The following SPAG16 variants were observed in gnomAD, a reference collection of about 807,000 sequenced individuals.
The protein encoded by SPAG16 is sperm-associated antigen 16 protein.
SPAG16 carries 86 observed loss-of-function variants against 80.4 expected under a neutral mutation model. The observed-to-expected ratio is 1.07, with a 90% CI of 0.90 to 1.28. The LOEUF (loss-of-function observed/expected upper bound fraction) is 1.28. Ranked by LOEUF, SPAG16 falls within the 50% of genes most tolerant of loss-of-function variation. The pLI is 0.00. For synonymous variants in SPAG16, 294 were observed against 265.9 expected (o/e 1.11, Z -1.03); for missense variants, 870 against 765.3 (o/e 1.14, Z -1.61).
At chr2:213,440,337 C>G (rs1340567906) in intron 9 of SPAG16, among the ~76,000 whole-genome samples, 1 of 151,972 alleles carries the variant, frequency 6.6e-6, no homozygotes. Flanking sequence ...ATCACGAGGT[C>G]AGGAGATTGA....
At chr2:213,356,851 T>C (rs1034854493) in intron 7 of SPAG16, among the ~76,000 whole-genome samples, 1 of 152,216 alleles carries the variant, frequency 6.6e-6, no homozygotes, top group Admixed American at 6.5e-5. Flanking sequence ...AGGGTGTTGA[T>C]TTTAGATCTT....
intron 11 of SPAG16, among the ~76,000 whole-genome samples, chr2:213,897,589 G>A (rs1057497123): frequency 7.2e-5 from 10 of 139,108 alleles, no homozygotes; most frequent in African/African-American, 2.0e-4. Context: ...TTATTTTCTA[G>A]AGATTGTACC....
In SPAG16 at chr2:213,603,861, T is replaced by G. The variant is rs186818622; in HGVS notation, c.1070+113771T>G. On this transcript the variant is annotated intron_variant, in intron 10 of 15. Coordinates refer to ENST00000331683, the MANE Select transcript of SPAG16 (RefSeq NM_024532.5). ...ACTATCTGTGGCTTTAATTCAGTTT[T>G]TCAAGTATTAACCACTTTCTTTTCT... is the stretch of plus-strand genomic sequence containing the variant. Among the ~76,000 whole-genome samples, 29 of 152,296 alleles carry G rather than the reference T, an allele frequency of 1.9e-4. No homozygotes were observed. In the East Asian group the frequency reaches 4.6e-3, roughly 24 times the overall value.
chr2:214,379,429 C>T (rs1192378883), intron 15 of SPAG16, among the ~76,000 whole-genome samples: 1 of 152,126 alleles, frequency 6.6e-6, no homozygotes, highest in African/African-American at 2.4e-5. Context: ...ATTCCCAAGC[C>T]CATGCTCTTC....
chr2:213,758,602 A>T (rs2125511750), intron 10 of SPAG16, among the ~76,000 whole-genome samples: 1 of 152,290 alleles, frequency 6.6e-6, no homozygotes, highest in Admixed American at 6.5e-5. Flanking sequence ...CAAGCAAAGG[A>T]AACAGTCAGT....
At chr2:213,817,445 C>G (rs2125683921) in intron 10 of SPAG16, among the ~76,000 whole-genome samples, 1 of 151,782 alleles carries the variant, frequency 6.6e-6, no homozygotes, top group East Asian at 1.9e-4. Flanking sequence ...CAAATAATTT[C>G]AAACTACCAT....
intron 10 of SPAG16, among the ~76,000 whole-genome samples, chr2:213,536,840 G>C (rs1174398177): frequency 1.3e-5 from 2 of 152,108 alleles, no homozygotes; most frequent in Admixed American, 1.3e-4. Flanking sequence ...TATAAATCAT[G>C]CTGCTATAAA....
chr2:213,814,462 A>G (rs1214464136), intron 10 of SPAG16, among the ~76,000 whole-genome samples: 1 of 152,216 alleles, frequency 6.6e-6, no homozygotes, highest in East Asian at 1.9e-4. Flanking sequence ...AACCATCACA[A>G]TGGTCAGTAT....
chr2:213,317,737 AG>A, intron 5 of SPAG16: 1 of 986,700 alleles, frequency 1.0e-6, no homozygotes, highest in Non-Finnish European at 1.2e-6. Flanking sequence ...TTCCTGGTAG[AG>A]GAATTTCTGT....
chr2:213,921,264 G>A (rs4673790), intron 11 of SPAG16, among the ~76,000 whole-genome samples: 130,444 of 152,168 alleles, frequency 0.86, 57,751 homozygotes, highest in South Asian at 0.96. Context: ...CCATTATATA[G>A]TGCTCTTCTT....
chr2:213,579,007 T>C (rs915296585), intron 10 of SPAG16, among the ~76,000 whole-genome samples: 1 of 152,138 alleles, frequency 6.6e-6, no homozygotes, highest in Admixed American at 6.6e-5. Flanking sequence ...CTTGCATTGT[T>C]TTAAGATAAT....
At chr2:213,408,424 CT>C (rs200591611) in intron 9 of SPAG16, among the ~76,000 whole-genome samples, 1,989 of 152,302 alleles carry the variant, frequency 0.013, 41 homozygotes, top group African/African-American at 0.044. Flanking sequence ...CTGAGCACAA[CT>C]CACCAGTTTA....
At chr2:214,181,275 C>G (rs1440153739) in intron 15 of SPAG16, among the ~76,000 whole-genome samples, 1 of 151,598 alleles carries the variant, frequency 6.6e-6, no homozygotes, top group East Asian at 1.9e-4. Flanking sequence ...CTGCCTAGTA[C>G]TAACAGACAG....
intron 10 of SPAG16, among the ~76,000 whole-genome samples, chr2:213,514,789 T>C (rs2075361649): frequency 6.6e-6 from 1 of 152,158 alleles, no homozygotes; most frequent in African/African-American, 2.4e-5. Context: ...GATACAAATC[T>C]ATGCTAATTG....
intron 12 of SPAG16, among the ~76,000 whole-genome samples, chr2:214,012,801 G>C (rs1042089359): frequency 1.5e-4 from 23 of 151,868 alleles, no homozygotes; most frequent in Non-Finnish European, 3.4e-4. Context: ...TCGTAAAATG[G>C]CAAAAAAAAC....
rs139429823 is a variant in SPAG16 at position 214,069,446 on chromosome 2, A to C, written c.1528-38750A>C. ...ACTGTTTGGCAGATAGCATCTAAGG[A>C]GATTTTATTGTCTGGGTGACAGCTC... On this transcript the variant is annotated intron_variant, in intron 13 of 15. Transcript: ENST00000331683. 5.5e-3 allele frequency among the ~76,000 whole-genome samples: 845 copies of C among 152,256 alleles called. 5 individuals carry two copies. The highest frequency in any genetic ancestry group is 0.018 in the African/African-American group (762 of 41,556).
chr2:213,780,693 G>A (rs918947241), intron 10 of SPAG16, among the ~76,000 whole-genome samples: 1 of 151,296 alleles, frequency 6.6e-6, no homozygotes. Context: ...TTGCAAAGGA[G>A]AATAATTTAT....
chr2:214,110,850 T>C (rs1019773688), intron 14 of SPAG16, among the ~76,000 whole-genome samples: 1 of 152,224 alleles, frequency 6.6e-6, no homozygotes, highest in Non-Finnish European at 1.5e-5. Flanking sequence ...TGGTATCTCA[T>C]TGTGGTTTTG....
intron 10 of SPAG16, among the ~76,000 whole-genome samples, chr2:213,742,966 A>C (rs1210072799): frequency 6.6e-6 from 1 of 150,970 alleles, no homozygotes; most frequent in Admixed American, 6.6e-5. Flanking sequence ...TGCAGTGGTG[A>C]GATCTCCACT....
Sources: gnomAD v4.1 joint callset for allele counts (sites outside exome capture counted in the v4.1 genomes callset) on GRCh38, gnomAD v4.1.1 for gene constraint, MANE v1.5 for transcripts, NCBI Gene and HGNC (gene_info 2026-07-23, HGNC 2026-07-21) for gene names.